FBXO24: variants seen among roughly 807,000 people sequenced by gnomAD.
FBXO24 encodes F-box protein 24.
Under a neutral mutation model 63.5 loss-of-function variants are expected in FBXO24, and 30 were observed. The ratio of observed to expected loss-of-function variants is 0.47; its 90% CI spans 0.35 to 0.64. The LOEUF (loss-of-function observed/expected upper bound fraction) is 0.64, where lower values mean the gene tolerates loss of function less well. Among genes scored for constraint, FBXO24 ranks in the 30% least tolerant of loss-of-function variants. The pLI, the probability that FBXO24 is intolerant of heterozygous loss-of-function variation, is 0.00. For synonymous variants in FBXO24, 300 were observed against 305.0 expected, an observed-to-expected ratio of 0.98 and a Z score of 0.17; for missense variants, 624 against 763.4, an observed-to-expected ratio of 0.82 and a Z score of 2.15.
At chr7:100,599,971 A>AC in intron 8 of FBXO24, 60 bp from the exon 9 acceptor site, 37 of 1,168,776 alleles carry the variant, frequency 3.2e-5, no homozygotes, top group East Asian at 5.1e-5. Context: ...ACCTTTTCCC[A>AC]CCCCAGCCCC....
chr7:100,586,448 A>G lies in FBXO24; in HGVS notation c.-178A>G. ...CCAACCAAGAGGAGGGGACACCGGCACTCCACTAGCAGGAAAACGGGCCGA... is the reference window on the plus strand; with the variant it reads ...CCAACCAAGAGGAGGGGACACCGGCGCTCCACTAGCAGGAAAACGGGCCGA... On this transcript the variant is annotated 5_prime_UTR_variant, in exon 1 of 10. Coordinates refer to ENST00000241071, the MANE Select transcript of FBXO24 (RefSeq NM_033506.3). 1 of 681,220 alleles carries G rather than the reference A, an allele frequency of 1.5e-6. No individual in the cohort carries two copies. The highest frequency in any genetic ancestry group is 2.6e-6 in the Non-Finnish European group (1 of 388,100). 42.2% of individuals were successfully genotyped at this position (681,220 alleles called of 1,614,324 possible). A position where few individuals can be genotyped will look rare whatever the true frequency, so the allele number is the denominator to read the frequency against.
chr7:100,588,867 C>T (rs1801870462), intron 1 of FBXO24, among the ~76,000 whole-genome samples: 1 of 152,080 alleles, frequency 6.6e-6, no homozygotes. Flanking sequence ...TCATTCTCGC[C>T]CGGGCTGGAG....
chr7:100,600,466 C>G lies in FBXO24; in HGVS notation c.1378-68C>G, dbSNP rs1249197309. 1.2e-5 allele frequency: 19 copies of G among 1,520,412 alleles called. No homozygotes were observed. The East Asian group carries it at 4.1e-4, about 33-fold the overall frequency. The allele number at this position is 1,520,412 out of a possible 1,614,324, so 94.2% of individuals were successfully genotyped here. On this transcript the variant is annotated intron_variant, in intron 9 of 9. Coordinates refer to ENST00000241071, the MANE Select transcript of FBXO24 (RefSeq NM_033506.3). The surrounding 1 kb of genome is among the most constrained non-coding windows in gnomAD (Gnocchi z 6.3). The stretch of plus-strand genomic sequence containing the variant: ...GAAGAATGCAATAGGCAGATTAGCC[C>G]GGGCACCCTGGGAAACCCTGCAAGG...
chr7:100,599,353 C>T (rs1417202007), intron 8 of FBXO24, among the ~76,000 whole-genome samples: 2 of 152,084 alleles, frequency 1.3e-5, no homozygotes, highest in South Asian at 2.1e-4. Context: ...GCAGGCAGAT[C>T]ACCTGAGGTC....
At position 100,595,139 on chromosome 7, in the gene FBXO24, G is replaced by A; in HGVS notation, c.990G>A (p.Gly330=). The A allele has an allele frequency of 6.2e-7, 1 of 1,613,990 alleles. No individual in the cohort carries two copies. Among genetic ancestry groups the A allele is most frequent in the Non-Finnish European group, 8.5e-7 (1 of 1,179,970 alleles). Residue 330 remains glycine (G), a synonymous_variant, in exon 7 of 10, where the codon GGG becomes GGA. Coordinates refer to ENST00000241071, the MANE Select transcript of FBXO24 (RefSeq NM_033506.3). Reference sequence around the variant, plus strand: ...TGTATTTTGAGGTGCATACCCCAGGGGTGTATCGCGATCTCTTTGGGACCC... The same window carrying A: ...TGTATTTTGAGGTGCATACCCCAGGAGTGTATCGCGATCTCTTTGGGACCC... ...GGVYFEVHTP[G]VYRDLFGTLQ... is the part of the protein sequence containing the mutation.
Position 100,592,825 on chromosome 7 carries a change from C to G in FBXO24, c.601C>G (p.Leu201Val). The G allele has an allele frequency of 1.9e-6, 3 of 1,614,144 alleles. No individual in the cohort carries two copies. The highest frequency in any genetic ancestry group is 2.5e-6 in the Non-Finnish European group (3 of 1,180,036). Residue 201 changes from leucine to valine, a missense_variant, in exon 5 of 10, where the codon CTC (leucine) becomes GTC (valine). Leu to Val is a conservative substitution (Grantham distance 32). Around this residue, in one of 3 missense-constraint regions of FBXO24, gnomAD observed 391 missense variants for 469.1 expected, o/e 0.83. Coordinates refer to ENST00000241071, the MANE Select transcript of FBXO24 (RefSeq NM_033506.3). ...PRCDTVYRKY[L>V]YVLATREPQE... is the part of the protein sequence containing the mutation. Reference sequence around the variant, plus strand: ...GTGTGACACAGTTTACCGTAAATACCTCTACGTCTTGGCCACTCGGGAGCC... The same window carrying G: ...GTGTGACACAGTTTACCGTAAATACGTCTACGTCTTGGCCACTCGGGAGCC...
chr7:100,595,855 C>A, intron 8 of FBXO24, 149 bp downstream of exon 8: 1 of 1,109,958 alleles, frequency 9.0e-7, no homozygotes, highest in Non-Finnish European at 1.3e-6. Context: ...AGTGGTACTA[C>A]CCCATGTCTT....
intron 1 of FBXO24, chr7:100,589,626 G>A (rs765607761): frequency 1.4e-6 from 2 of 1,470,112 alleles, no homozygotes; most frequent in Non-Finnish European, 9.1e-7. Context: ...GGTCCCCCAA[G>A]CCTAGGCTGG....
In FBXO24 at chr7:100,586,696, A is replaced by G. The variant is rs760488307; in HGVS notation, c.39+32A>G. 8.1e-6 allele frequency: 13 copies of G among 1,613,462 alleles called. No homozygotes were observed. In the South Asian group the frequency reaches 1.4e-4, roughly 18 times the overall value. ...TAGAACTTTAAGACTGAGGTTAAGA[A>G]TGAACGCGGAGCCCCTGGCCGGCCG... On this transcript the variant is annotated intron_variant, in intron 1 of 9. Coordinates refer to ENST00000241071, the MANE Select transcript of FBXO24 (RefSeq NM_033506.3).
rs1285436133 is a variant in FBXO24, at chr7:100,600,862, G to A, written c.1706G>A (p.Gly569Asp). The A allele has an allele frequency of 3.1e-6, 5 of 1,613,848 alleles. No homozygotes were observed. Among genetic ancestry groups the A allele is most frequent in the Non-Finnish European group, 4.2e-6 (5 of 1,179,888 alleles). The change falls in exon 10 of 10, where the codon GGC becomes GAC. Residue 569 changes from glycine to aspartate, a missense_variant. Physicochemically the swap from Gly to Asp is moderately conservative, Grantham distance 94. Around this residue, in one of 3 missense-constraint regions of FBXO24, gnomAD observed 216 missense variants for 245.2 expected, o/e 0.88. Transcript: ENST00000241071. This position sits in a 1 kb window ranked among gnomAD's most constrained non-coding sequence, Gnocchi z 6.3. ...ALDMLQRAEG[G>D]GGGVGPPAPE... ...GACATGCTGCAGAGGGCTGAAGGAG[G>A]CGGGGGTGGTGTAGGGCCCCCAGCC...
intron 1 of FBXO24, chr7:100,589,482 G>A: frequency 1.6e-6 from 2 of 1,287,150 alleles, no homozygotes; most frequent in Admixed American, 3.7e-5. Context: ...CTAGAACCCA[G>A]GAGCTGTCTA....
chr7:100,589,543 A>G, intron 1 of FBXO24: 1 of 1,404,106 alleles, frequency 7.1e-7, no homozygotes, highest in Non-Finnish European at 9.3e-7. Context: ...GTGGCCAAAC[A>G]GTGAGGTCAC....
chr7:100,594,850 C>T lies in FBXO24; in HGVS notation c.953-252C>T, dbSNP rs139203215. 2.8e-4 allele frequency among the ~76,000 whole-genome samples: 43 copies of T among 152,214 alleles called. No homozygotes were observed. Among genetic ancestry groups the T allele is most frequent in the African/African-American group, 9.9e-4 (41 of 41,534 alleles). ...CTGTAATCCCAGCTACACCAGAGGC[C>T]GAGACAGGAGAATCACTTGAACCAG... On this transcript the variant is annotated intron_variant, in intron 6 of 9. Transcript: ENST00000241071. This position sits in a 1 kb window ranked among gnomAD's most constrained non-coding sequence, Gnocchi z 4.2.
chr7:100,589,459 G>GGCTAGAACTGA (rs2131259713), intron 1 of FBXO24: 1 of 1,261,108 alleles, frequency 7.9e-7, no homozygotes, highest in East Asian at 3.1e-5. Context: ...GCCATGTGAT[G>GGCTAGAACTGA]GCTAGAACTG....
intron 8 of FBXO24, among the ~76,000 whole-genome samples, chr7:100,597,766 A>T (rs750957287): frequency 6.6e-6 from 1 of 151,876 alleles, no homozygotes; most frequent in African/African-American, 2.4e-5. Flanking sequence ...CAGTGACACA[A>T]TCGTAGCTTG....
intron 1 of FBXO24, among the ~76,000 whole-genome samples, chr7:100,588,042 C>G (rs1801839444): frequency 6.6e-6 from 1 of 151,860 alleles, no homozygotes; most frequent in Non-Finnish European, 1.5e-5. Flanking sequence ...ACCACCATGC[C>G]AGCTAATTGT....
Position 100,586,684 on chromosome 7 carries a change from CTG to C in FBXO24, c.39+21_39+22del. The C allele has an allele frequency of 1.2e-6, 2 of 1,614,016 alleles. No individual in the cohort carries two copies. Among genetic ancestry groups the C allele is most frequent in the African/African-American group, 1.3e-5 (1 of 75,036 alleles). ...AGGCGGGTGAGCTAGAACTTTAAGA[CTG>C]AGGTTAAGAATGAACGCGGAGCCCC... On this transcript the variant is annotated intron_variant, in intron 1 of 9. Coordinates refer to ENST00000241071, the MANE Select transcript of FBXO24 (RefSeq NM_033506.3).
rs775695941 is a variant in FBXO24 at position 100,592,810 on chromosome 7, G to A, written c.586G>A (p.Val196Ile). ...DFASDPRCDTVYRKYLYVLAT... is the reference protein window; with the variant it reads ...DFASDPRCDTIYRKYLYVLAT... ...TGCCTCGGACCCAAGGTGTGACACAGTTTACCGTAAATACCTCTACGTCTT... is the reference window on the plus strand; with the variant it reads ...TGCCTCGGACCCAAGGTGTGACACAATTTACCGTAAATACCTCTACGTCTT... Residue 196 changes from valine (V) to isoleucine (I), a missense_variant, in exon 5 of 10, where the codon GTT becomes ATT. Transcript: ENST00000241071. 11 of 1,614,124 alleles carry A rather than the reference G, an allele frequency of 6.8e-6. No homozygotes were observed. The highest frequency in any genetic ancestry group is 9.3e-6 in the Non-Finnish European group (11 of 1,180,020).
At chr7:100,589,393 A>G (rs1801889186) in intron 1 of FBXO24, 1 of 1,185,748 alleles carries the variant, frequency 8.4e-7, no homozygotes. Context: ...TGAAATAAAG[A>G]TGTCACCTAC....
Sources: allele counts gnomAD v4.1 joint callset (sites outside exome capture counted in the v4.1 genomes callset), GRCh38; gene constraint gnomAD v4.1.1; regional missense constraint gnomAD v4.1.1; non-coding constraint Gnocchi (gnomAD v3.1); transcripts MANE v1.5; gene names NCBI Gene and HGNC (gene_info 2026-07-23, HGNC 2026-07-21).